TPST1: variants seen among roughly 807,000 people sequenced by gnomAD.
TPST1 encodes tyrosylprotein sulfotransferase 1, also known as protein-tyrosine sulfotransferase 1.
In TPST1, 20 loss-of-function variants were observed where a neutral mutation model predicts 34.8. The ratio of observed to expected loss-of-function variants is 0.57; its 90% confidence interval spans 0.40 to 0.84. TPST1 has a LOEUF of 0.84. Among genes scored for constraint, TPST1 ranks in the 40% least tolerant of loss-of-function variants. The probability of loss-of-function intolerance (pLI) is 0.00; values close to 1 mark genes in which losing one functional copy is unlikely to be tolerated. For missense variants in TPST1, 353 were observed against 455.5 expected (o/e 0.78, Z 2.05); for synonymous variants, 152 against 159.4 (o/e 0.95, Z 0.35).
chr7:66,238,151 C>A (rs1789948944), intron 1 of TPST1, among the ~76,000 whole-genome samples: 1 of 152,144 alleles, frequency 6.6e-6, no homozygotes, highest in Admixed American at 6.5e-5. Flanking sequence ...CTAAGTGGGT[C>A]TAGGTTCTGG....
At chr7:66,246,873 A>T (rs1042959221) in intron 2 of TPST1, among the ~76,000 whole-genome samples, 1 of 152,218 alleles carries the variant, frequency 6.6e-6, no homozygotes, top group Non-Finnish European at 1.5e-5. Flanking sequence ...AGAAGCTTCC[A>T]GGTAGTACTT....
At chr7:66,311,717 G>GA (rs1456773677) in intron 3 of TPST1, among the ~76,000 whole-genome samples, 12 of 152,286 alleles carry the variant, frequency 7.9e-5, no homozygotes, top group African/African-American at 2.6e-4. Context: ...TGCCATAGAA[G>GA]AAAATGAAAT....
chr7:66,238,113 T>G (rs995904411), intron 1 of TPST1, among the ~76,000 whole-genome samples: 1 of 152,206 alleles, frequency 6.6e-6, no homozygotes. Context: ...GAAGCCCTTC[T>G]TCTGGAGCCT....
intron 3 of TPST1, among the ~76,000 whole-genome samples, chr7:66,322,458 T>C (rs1791776930): frequency 6.6e-6 from 1 of 152,242 alleles, no homozygotes; most frequent in Non-Finnish European, 1.5e-5. Flanking sequence ...TTTGTCTCGA[T>C]TTAAGTACCT....
At chr7:66,276,365 C>CATATATATATATAT (rs138862941) in intron 2 of TPST1, among the ~76,000 whole-genome samples, 1,487 of 90,818 alleles carry the variant, frequency 0.016, 137 homozygotes, top group Middle Eastern at 0.027. Context: ...AAAAACATTT[C>CATATATATATATAT]ATATATATAT....
intron 1 of TPST1, among the ~76,000 whole-genome samples, chr7:66,216,235 C>T (rs1789406492): frequency 1.4e-5 from 2 of 143,566 alleles, no homozygotes; most frequent in Non-Finnish European, 3.1e-5. Flanking sequence ...TTTATGATCA[C>T]TTTTATTTTT....
chr7:66,298,544 C>G (rs1050684501), intron 3 of TPST1, among the ~76,000 whole-genome samples: 1 of 152,010 alleles, frequency 6.6e-6, no homozygotes, highest in Admixed American at 6.6e-5. Context: ...TTTGTTAATC[C>G]AGTTTTATAG....
At position 66,345,489 on chromosome 7, in the gene TPST1, CAAAAAAAAAAAAAAAA is replaced by C. The variant is rs58837242; in HGVS notation, c.1045-7006_1045-6991del. Among the ~76,000 whole-genome samples, 4 of 64,864 alleles carry C rather than the reference CAAAAAAAAAAAAAAAA, an allele frequency of 6.2e-5. No homozygotes were observed. The South Asian group carries it at 2.6e-3, about 42-fold the overall frequency. 42.6% of individuals were successfully genotyped at this position (64,864 alleles called of 152,430 possible). Reference sequence around the variant, plus strand: ...GGGCAAAAGAGTGAGACTCCATCTCCAAAAAAAAAAAAAAAAAAAAAAAAAGATAAATACAAGAAAG... The same window carrying C: ...GGGCAAAAGAGTGAGACTCCATCTCCAAAAAAAAAGATAAATACAAGAAAG... On this transcript the variant is annotated intron_variant, in intron 3 of 5. Transcript: ENST00000304842.
intron 1 of TPST1, among the ~76,000 whole-genome samples, chr7:66,237,825 T>C (rs957032992): frequency 5.3e-5 from 8 of 152,098 alleles, no homozygotes; most frequent in Non-Finnish European, 1.2e-4. Context: ...TGGGCAGAGA[T>C]GAGTTGATGT....
chr7:66,356,924 CA>C lies in TPST1; in HGVS notation c.*29+54del, dbSNP rs1426058807. On this transcript the variant is annotated intron_variant, in intron 5 of 5. Transcript: ENST00000304842. ...TTTCTGTTTCCCACTCGGGCTCTTG[CA>C]GGGGGCTGGGTGGCCAAGGTGGAGA... is the stretch of plus-strand genomic sequence containing the variant. 10 of 1,596,384 alleles carry C rather than the reference CA, an allele frequency of 6.3e-6. No individual in the cohort carries two copies. The Admixed American group carries it at 8.5e-5, about 14-fold the overall frequency.
At chr7:66,299,996 T>A (rs1791281892) in intron 3 of TPST1, among the ~76,000 whole-genome samples, 1 of 152,152 alleles carries the variant, frequency 6.6e-6, no homozygotes, top group South Asian at 2.1e-4. Context: ...CATTGTAGTC[T>A]GTTCAGTCTG....
chr7:66,214,652 TA>T, intron 1 of TPST1, among the ~76,000 whole-genome samples: 1 of 150,458 alleles, frequency 6.6e-6, no homozygotes, highest in East Asian at 2.0e-4. Flanking sequence ...CCCGTCTCTA[TA>T]AAAAAATATG....
intron 1 of TPST1, among the ~76,000 whole-genome samples, chr7:66,227,052 G>A (rs376719230): frequency 3.1e-4 from 1 of 3,204 alleles, no homozygotes; most frequent in African/African-American, 1.7e-3. Flanking sequence ...TTTTTTTTTT[G>A]AGATGGAGTC....
At chr7:66,273,507 A>C (rs1790743857) in intron 2 of TPST1, among the ~76,000 whole-genome samples, 1 of 152,252 alleles carries the variant, frequency 6.6e-6, no homozygotes, top group Admixed American at 6.5e-5. Flanking sequence ...GATGCATCAC[A>C]GTATTTGACT....
intron 1 of TPST1, among the ~76,000 whole-genome samples, chr7:66,206,246 C>A (rs1789129193): frequency 6.6e-6 from 1 of 152,010 alleles, no homozygotes; most frequent in South Asian, 2.1e-4. Flanking sequence ...GCGTGAGCCA[C>A]TGCGCCTGGC....
chr7:66,340,466 T>C (rs1792215105), intron 3 of TPST1, among the ~76,000 whole-genome samples: 1 of 152,178 alleles, frequency 6.6e-6, no homozygotes, highest in African/African-American at 2.4e-5. Context: ...TATTTGCAGA[T>C]AACATGATCC....
chr7:66,311,229 C>T (rs575238010), intron 3 of TPST1, among the ~76,000 whole-genome samples: 1 of 152,186 alleles, frequency 6.6e-6, no homozygotes, highest in South Asian at 2.1e-4. Flanking sequence ...CTTAAACTCC[C>T]CTGGGCTCAA....
intron 1 of TPST1, among the ~76,000 whole-genome samples, chr7:66,218,975 G>A (rs1789483467): frequency 1.3e-5 from 2 of 151,774 alleles, no homozygotes; most frequent in East Asian, 3.9e-4. Context: ...CTGCCTCCCC[G>A]GTTTAAGCAA....
chr7:66,230,706 G>A (rs1276229892), intron 1 of TPST1, among the ~76,000 whole-genome samples: 2 of 152,298 alleles, frequency 1.3e-5, no homozygotes, highest in East Asian at 1.9e-4. Context: ...AAGAGCGAAA[G>A]AACAAAGCTT....
Sources: gnomAD v4.1 joint callset for allele counts (sites outside exome capture counted in the v4.1 genomes callset) on GRCh38, gnomAD v4.1.1 for gene constraint, MANE v1.5 for transcripts, NCBI Gene and HGNC (gene_info 2026-07-23, HGNC 2026-07-21) for gene names.